ITPR1: variants seen among roughly 807,000 people sequenced by gnomAD.
ITPR1 encodes the protein inositol 1,4,5-trisphosphate receptor type 1.
In ITPR1, 96 loss-of-function variants were observed where a neutral mutation model predicts 318.4. The observed-to-expected ratio is 0.30, with a 90% CI of 0.26 to 0.36. The LOEUF (loss-of-function observed/expected upper bound fraction) is 0.36, where lower values mean the gene tolerates loss of function less well. Ranked by LOEUF, ITPR1 falls within the 10% of genes least tolerant of loss-of-function variation. ITPR1 has a pLI of 1.00. For missense variants in ITPR1, 2,440 were observed against 3,460.2 expected (o/e 0.71, Z 7.40); for synonymous variants, 1,312 against 1,289.9 (o/e 1.02, Z -0.37).
At chr3:4,691,483 T>TG (rs2094477633) in intron 32 of ITPR1, 139 bp downstream of exon 32, 1 of 597,190 alleles carries the variant, frequency 1.7e-6, no homozygotes, top group African/African-American at 1.9e-5. Flanking sequence ...TGCATATGTC[T>TG]GTGTCATCTC....
At chr3:4,622,366 G>A in intron 4 of ITPR1, among the ~76,000 whole-genome samples, 1 of 151,176 alleles carries the variant, frequency 6.6e-6, no homozygotes, top group East Asian at 2.0e-4. Context: ...GCCTGCCTTG[G>A]CCTCCCAAAG....
chr3:4,818,888 C>T (rs889487332), intron 60 of ITPR1, among the ~76,000 whole-genome samples: 10 of 152,240 alleles, frequency 6.6e-5, no homozygotes, highest in South Asian at 2.1e-4. Flanking sequence ...GTGGGTGTCC[C>T]GGGCCAGCTG....
intron 60 of ITPR1, among the ~76,000 whole-genome samples, chr3:4,834,095 A>G (rs7647709): frequency 0.021 from 3,152 of 152,054 alleles, 120 homozygotes; most frequent in African/African-American, 0.072. Context: ...GTCTCACTCT[A>G]TTGCCCAGGC....
chr3:4,665,871 G>T (rs1553682018), intron 17 of ITPR1, among the ~76,000 whole-genome samples: 1 of 152,134 alleles, frequency 6.6e-6, no homozygotes, highest in Admixed American at 6.5e-5. Context: ...GAAAACCTGA[G>T]AACTATATTG....
intron 4 of ITPR1, among the ~76,000 whole-genome samples, chr3:4,561,221 C>T (rs748295293): frequency 2.6e-5 from 4 of 152,142 alleles, no homozygotes; most frequent in Non-Finnish European, 5.9e-5. Context: ...CTGATTCTTT[C>T]TGGAATTGAT....
chr3:4,634,816 G>A (rs1377359425), intron 5 of ITPR1, among the ~76,000 whole-genome samples: 5 of 152,160 alleles, frequency 3.3e-5, no homozygotes, highest in African/African-American at 1.2e-4. Context: ...TTGGCTCACT[G>A]CAACCTCCAC....
chr3:4,812,474 T>C (rs1233355890), intron 56 of ITPR1, among the ~76,000 whole-genome samples: 3 of 152,204 alleles, frequency 2.0e-5, no homozygotes, highest in Non-Finnish European at 4.4e-5. Context: ...ATGTTATTTT[T>C]ACACATAGCA....
intron 7 of ITPR1, among the ~76,000 whole-genome samples, 161 bp downstream of exon 7, chr3:4,642,412 C>A (rs374581937): frequency 1.8e-4 from 28 of 152,288 alleles, no homozygotes; most frequent in African/African-American, 6.0e-4. Context: ...AAACAGGGAA[C>A]TGTGGAGAGA....
At chr3:4,837,015 A>AGG in intron 61 of ITPR1, 80 bp downstream of exon 61, 1 of 1,264,336 alleles carries the variant, frequency 7.9e-7, no homozygotes, top group Non-Finnish European at 1.1e-6. Context: ...AAATCTGATG[A>AGG]GGAAAATCAG....
chr3:4,693,831 G>C (rs1454645310), intron 33 of ITPR1, 90 bp downstream of exon 33: 4 of 1,403,672 alleles, frequency 2.8e-6, no homozygotes, highest in East Asian at 5.0e-5. Flanking sequence ...TGGCTGGCCT[G>C]GGGGAGCCCT....
At chr3:4,499,832 T>G (rs2124871166) in intron 2 of ITPR1, among the ~76,000 whole-genome samples, 1 of 152,358 alleles carries the variant, frequency 6.6e-6, no homozygotes. Flanking sequence ...AGAAGGGGTC[T>G]CACTATGTTG....
At chr3:4,810,020 C>T (rs2048835629) in intron 55 of ITPR1, among the ~76,000 whole-genome samples, 1 of 152,142 alleles carries the variant, frequency 6.6e-6, no homozygotes, top group South Asian at 2.1e-4. Context: ...AAAAGCCAAT[C>T]GACCGGAAAA....
chr3:4,625,333 A>C (rs1392940207), intron 4 of ITPR1, among the ~76,000 whole-genome samples: 3 of 151,786 alleles, frequency 2.0e-5, no homozygotes, highest in African/African-American at 7.3e-5. Context: ...GGAAAGACCT[A>C]GTGTTTATGT....
intron 40 of ITPR1, among the ~76,000 whole-genome samples, chr3:4,724,188 T>C (rs7651990): frequency 0.23 from 34,904 of 152,090 alleles, 5,013 homozygotes; most frequent in East Asian, 0.71. Flanking sequence ...GCAGGAAAGG[T>C]CGTCTGTCCA....
intron 12 of ITPR1, among the ~76,000 whole-genome samples, chr3:4,655,708 G>T (rs183723645): frequency 1.3e-5 from 2 of 152,174 alleles, no homozygotes; most frequent in African/African-American, 2.4e-5. Context: ...GTCTTTTGAC[G>T]TTTTCGTGCT....
intron 48 of ITPR1, among the ~76,000 whole-genome samples, chr3:4,777,786 A>G (rs143903420): frequency 8.4e-5 from 2 of 23,918 alleles, no homozygotes; most frequent in African/African-American, 1.8e-4. Context: ...CCTATCTAGG[A>G]CCAAAAAAAA....
Position 4,846,265 on chromosome 3 carries a change from A to ATTAT in ITPR1, c.*42_*45dup. ...GGAATTGTATTTACCTTTTATAATT[A>ATTAT]TTATTAGTGTGGGTATGGCTAATGA... On this transcript the variant is annotated 3_prime_UTR_variant, in exon 62 of 62. Transcript: ENST00000649015. 1 of 1,358,974 alleles carries ATTAT rather than the reference A, an allele frequency of 7.4e-7. No homozygotes were observed. Among genetic ancestry groups the ATTAT allele is most frequent in the Admixed American group, 2.0e-5 (1 of 50,052 alleles). The allele number at this position is 1,358,974 out of a possible 1,614,324, so 84.2% of individuals were successfully genotyped here.
chr3:4,690,990 G>C (rs2094471323), intron 31 of ITPR1, among the ~76,000 whole-genome samples, 154 bp from the exon 32 acceptor site: 1 of 152,194 alleles, frequency 6.6e-6, no homozygotes, highest in Non-Finnish European at 1.5e-5. Flanking sequence ...AAAAAAGAAG[G>C]TAGTACAGAA....
chr3:4,775,742 G>A (rs191406209), intron 47 of ITPR1, among the ~76,000 whole-genome samples: 2 of 152,304 alleles, frequency 1.3e-5, no homozygotes, highest in Non-Finnish European at 2.9e-5. Flanking sequence ...CAATAAGGCA[G>A]GAGTGAAATG....
Sources: gnomAD v4.1 joint callset for allele counts (sites outside exome capture counted in the v4.1 genomes callset) on GRCh38, gnomAD v4.1.1 for gene constraint, MANE v1.5 for transcripts, NCBI Gene and HGNC (gene_info 2026-07-23, HGNC 2026-07-21) for gene names.